MAN2A1: variants seen among roughly 807,000 people sequenced by gnomAD.
MAN2A1 encodes the protein alpha-mannosidase 2.
A neutral mutation model predicts 142.6 loss-of-function variants in MAN2A1; 76 were observed. The observed-to-expected ratio is 0.53, with a 90% CI of 0.44 to 0.65. The LOEUF (loss-of-function observed/expected upper bound fraction) is 0.65. Ranked by LOEUF, MAN2A1 falls within the 30% of genes least tolerant of loss-of-function variation. The probability of loss-of-function intolerance (pLI) is 0.00; values close to 1 mark genes in which losing one functional copy is unlikely to be tolerated. For synonymous variants in MAN2A1, 559 were observed against 473.2 expected (o/e 1.18, Z -2.35); for missense variants, 1,311 against 1,365.1 (o/e 0.96, Z 0.62).
intron 16 of MAN2A1, among the ~76,000 whole-genome samples, chr5:109,825,227 T>C (rs1310154444): frequency 6.6e-6 from 1 of 152,206 alleles, no homozygotes; most frequent in South Asian, 2.1e-4. Flanking sequence ...TCTTCAACTT[T>C]ATAGCATTAC....
rs1561505759 is a variant in MAN2A1, at chr5:109,774,879, T to G, written c.1288T>G (p.Cys430Gly). ...LAPLGDDFRY[C>G]EYTEWDLQFK... ...TCCACTAGGAGATGATTTCCGCTACTGTGAATACACGGAATGGGATTTACA... is the reference window on the plus strand; with the variant it reads ...TCCACTAGGAGATGATTTCCGCTACGGTGAATACACGGAATGGGATTTACA... The change falls in exon 8 of 22, where the codon TGT becomes GGT. Residue 430 changes from cysteine to glycine, a missense_variant. This residue lies in a region of MAN2A1 where 890 missense variants were observed against 920.5 expected (regional missense o/e 0.97). Coordinates refer to ENST00000261483, the MANE Select transcript of MAN2A1 (RefSeq NM_002372.4). 2 of 1,612,636 alleles carry G rather than the reference T, an allele frequency of 1.2e-6. No individual in the cohort carries two copies. Among genetic ancestry groups the G allele is most frequent in the South Asian group, 2.2e-5 (2 of 91,024 alleles).
intron 1 of MAN2A1, among the ~76,000 whole-genome samples, chr5:109,700,242 C>T (rs568325047): frequency 2.1e-4 from 32 of 150,240 alleles, no homozygotes; most frequent in Non-Finnish European, 4.1e-4. Flanking sequence ...ATTTTGGTCC[C>T]TTGTGCCTAC....
At chr5:109,721,718 T>C (rs1751609498) in intron 3 of MAN2A1, among the ~76,000 whole-genome samples, 1 of 152,198 alleles carries the variant, frequency 6.6e-6, no homozygotes, top group Admixed American at 6.5e-5. Context: ...CATTGGACTT[T>C]ATTCTTTGAG....
chr5:109,741,890 T>C (rs1250286572), intron 4 of MAN2A1, among the ~76,000 whole-genome samples: 1 of 152,226 alleles, frequency 6.6e-6, no homozygotes, highest in Non-Finnish European at 1.5e-5. Context: ...ATCCAGTGGA[T>C]TTAAAAGAAG....
At chr5:109,712,716 G>A (rs1751336311) in intron 1 of MAN2A1, among the ~76,000 whole-genome samples, 1 of 152,108 alleles carries the variant, frequency 6.6e-6, no homozygotes, top group African/African-American at 2.4e-5. Flanking sequence ...TAGCATACAT[G>A]CCTGACACAG....
chr5:109,743,083 C>G (rs1249957046), intron 4 of MAN2A1, among the ~76,000 whole-genome samples: 3 of 152,170 alleles, frequency 2.0e-5, no homozygotes, highest in African/African-American at 7.2e-5. Context: ...TCACTCCATT[C>G]TCCTCGAAAT....
intron 12 of MAN2A1, among the ~76,000 whole-genome samples, chr5:109,798,894 G>A (rs556443599): frequency 3.3e-5 from 5 of 152,106 alleles, no homozygotes; most frequent in Admixed American, 6.5e-5. Context: ...GGGTTTCACC[G>A]TGTTAGTCAG....
chr5:109,716,612 C>T (rs1429994421), intron 3 of MAN2A1, among the ~76,000 whole-genome samples: 3 of 152,130 alleles, frequency 2.0e-5, no homozygotes, highest in African/African-American at 4.8e-5. Flanking sequence ...ATGAGGTCTA[C>T]TTTTAGAAAA....
intron 4 of MAN2A1, among the ~76,000 whole-genome samples, chr5:109,744,142 C>A (rs1012933458): frequency 2.0e-5 from 3 of 152,100 alleles, no homozygotes; most frequent in African/African-American, 7.2e-5. Flanking sequence ...ACCATTCATT[C>A]AGCAAATATT....
At chr5:109,790,721 A>G (rs1263015861) in intron 12 of MAN2A1, among the ~76,000 whole-genome samples, 1 of 152,074 alleles carries the variant, frequency 6.6e-6, no homozygotes, top group South Asian at 2.1e-4. Context: ...GGCTTTAGGC[A>G]TAGTTCTCTC....
Position 109,779,630 on chromosome 5 carries a change from CTT to C in MAN2A1, c.1375-1765_1375-1764del, listed in dbSNP as rs551254947. Reference sequence around the variant, plus strand: ...AGTAATGCTTGTGAGTAATAATACTCTTAGTGTTAGCTAAAACATATTGAGTG... The same window carrying C: ...AGTAATGCTTGTGAGTAATAATACTCAGTGTTAGCTAAAACATATTGAGTG... On this transcript the variant is annotated intron_variant, in intron 8 of 21. Transcript: ENST00000261483. 2.5e-3 allele frequency among the ~76,000 whole-genome samples: 377 copies of C among 151,974 alleles called. 4 individuals are homozygous for C. The highest frequency in any genetic ancestry group is 8.1e-3 in the African/African-American group (336 of 41,410).
At position 109,869,617 on chromosome 5, in the gene MAN2A1, TATC is replaced by T. The variant is rs762840382; in HGVS notation, c.*2622_*2624del. On this transcript the variant is annotated 3_prime_UTR_variant, in exon 22 of 22. Coordinates refer to ENST00000261483, the MANE Select transcript of MAN2A1 (RefSeq NM_002372.4). ...TAAGATCTCTAATAAAAGATAATCT[TATC>T]ATGTACATGGTCCTCTAGAGTAGTT... The T allele has an allele frequency of 1.3e-5, 2 of 152,216 alleles. No individual in the cohort carries two copies. The highest frequency in any genetic ancestry group is 2.9e-5 in the Non-Finnish European group (2 of 68,036). 9.4% of individuals were successfully genotyped at this position (152,216 alleles called of 1,614,324 possible).
intron 12 of MAN2A1, among the ~76,000 whole-genome samples, chr5:109,802,993 G>A (rs2112699789): frequency 6.6e-6 from 1 of 152,148 alleles, no homozygotes; most frequent in African/African-American, 2.4e-5. Context: ...TCGAAGAAAA[G>A]TGTTTGTCAT....
intron 20 of MAN2A1, chr5:109,863,985 T>C (rs1242616228): frequency 6.6e-6 from 1 of 152,222 alleles, no homozygotes; most frequent in African/African-American, 2.4e-5. Flanking sequence ...AGGACAGCTT[T>C]AAACTGTTCA....
At chr5:109,728,665 A>T (rs1185202074) in intron 3 of MAN2A1, among the ~76,000 whole-genome samples, 1 of 152,332 alleles carries the variant, frequency 6.6e-6, no homozygotes, top group Middle Eastern at 3.4e-3. Flanking sequence ...GTCAACATCT[A>T]CAGTTCTCTT....
At position 109,784,861 on chromosome 5, in the gene MAN2A1, G is replaced by A. The variant is rs529424690; in HGVS notation, c.1695G>A (p.Leu565=). Residue 565 remains leucine, a synonymous_variant, in exon 10 of 22, where the codon CTG becomes CTA. Transcript: ENST00000261483. ...ALTEARRNLG[L]FQHHDAITGT... ...CAGAAGCCAGAAGGAATTTGGGACT[G>A]TTTCAACATCATGATGCTATCACAG... 6.2e-6 allele frequency: 10 copies of A among 1,612,610 alleles called. No homozygotes were observed. The highest frequency in any genetic ancestry group is 4.5e-5 in the East Asian group (2 of 44,816).
intron 4 of MAN2A1, among the ~76,000 whole-genome samples, chr5:109,745,491 T>C (rs1286867554): frequency 1.3e-5 from 2 of 152,164 alleles, no homozygotes; most frequent in African/African-American, 4.8e-5. Flanking sequence ...CAACTTATTT[T>C]GAATGAGTAT....
chr5:109,703,857 G>A (rs896081731), intron 1 of MAN2A1, among the ~76,000 whole-genome samples: 3 of 152,202 alleles, frequency 2.0e-5, no homozygotes, highest in Non-Finnish European at 4.4e-5. Flanking sequence ...GTAATAGCTT[G>A]ATGTCTAAAA....
intron 19 of MAN2A1, among the ~76,000 whole-genome samples, chr5:109,852,102 CT>C (rs541913737): frequency 2.5e-4 from 37 of 148,500 alleles, no homozygotes; most frequent in South Asian, 1.9e-3. Flanking sequence ...TTTGAGGTTG[CT>C]TTTTTATTAT....
Sources: allele counts gnomAD v4.1 joint callset (sites outside exome capture counted in the v4.1 genomes callset), GRCh38; gene constraint gnomAD v4.1.1; regional missense constraint gnomAD v4.1.1; transcripts MANE v1.5; gene names NCBI Gene and HGNC (gene_info 2026-07-23, HGNC 2026-07-21).